The following FBXO36 variants were observed in gnomAD, a reference collection of about 807,000 sequenced individuals.
FBXO36 encodes F-box only protein 36.
In FBXO36, 18 loss-of-function variants were observed where a neutral mutation model predicts 17.0. The ratio of observed to expected loss-of-function variants is 1.06; its 90% CI spans 0.73 to 1.57. FBXO36 has a LOEUF of 1.57. FBXO36 is among the 40% of genes most tolerant of loss of function. FBXO36 has a pLI of 0.00. For synonymous variants in FBXO36, 83 were observed against 85.3 expected, an observed-to-expected ratio of 0.97 and a Z score of 0.15; for missense variants, 229 against 221.9, an observed-to-expected ratio of 1.03 and a Z score of -0.20.
chr2:230,008,403 G>C (rs1022458615), intron 3 of FBXO36, among the ~76,000 whole-genome samples: 7 of 152,152 alleles, frequency 4.6e-5, no homozygotes, highest in Admixed American at 1.3e-4. Context: ...GATCTGAGTA[G>C]CCAAAACTAT....
At chr2:229,938,685 A>G (rs1176303022) in intron 1 of FBXO36, among the ~76,000 whole-genome samples, 4 of 145,542 alleles carry the variant, frequency 2.7e-5, no homozygotes, top group Non-Finnish European at 3.0e-5. Context: ...TTTTGTATAG[A>G]TGGGGTTGTA....
intron 1 of FBXO36, among the ~76,000 whole-genome samples, chr2:229,941,783 G>A (rs565385546): frequency 1.3e-5 from 2 of 152,140 alleles, no homozygotes; most frequent in Non-Finnish European, 2.9e-5. Flanking sequence ...TTGGGAGGCC[G>A]AGGCAGGTGG....
At chr2:229,990,865 T>TAAGGTTTCAAAAGAA (rs2077294314) in intron 2 of FBXO36, among the ~76,000 whole-genome samples, 2 of 152,210 alleles carry the variant, frequency 1.3e-5, no homozygotes, top group Admixed American at 6.5e-5. Context: ...AAACTTTAGT[T>TAAGGTTTCAAAAGAA]AAGGTTTCCT....
chr2:229,953,313 T>C (rs1007173786), intron 1 of FBXO36, among the ~76,000 whole-genome samples: 3 of 151,964 alleles, frequency 2.0e-5, no homozygotes, highest in African/African-American at 7.2e-5. Context: ...CACTCCAGCC[T>C]GGGCGACAGA....
intron 1 of FBXO36, among the ~76,000 whole-genome samples, chr2:229,975,414 C>T (rs141337683): frequency 0.017 from 2,637 of 151,742 alleles, 61 homozygotes; most frequent in Admixed American, 0.05. Flanking sequence ...AGACATCTTC[C>T]GGAAACAGAT....
chr2:229,946,123 GA>G (rs1187558923), intron 1 of FBXO36, among the ~76,000 whole-genome samples: 1 of 152,142 alleles, frequency 6.6e-6, no homozygotes, highest in South Asian at 2.1e-4. Context: ...GTGGTGGAGG[GA>G]AGGAAGCGGA....
intron 2 of FBXO36, among the ~76,000 whole-genome samples, chr2:229,988,209 A>G (rs552451722): frequency 2.6e-5 from 4 of 152,300 alleles, no homozygotes; most frequent in Non-Finnish European, 2.9e-5. Context: ...CAAAATTATA[A>G]CGTATTTTTT....
intron 1 of FBXO36, among the ~76,000 whole-genome samples, chr2:229,949,162 C>G (rs929493550): frequency 1.1e-4 from 16 of 152,084 alleles, no homozygotes; most frequent in African/African-American, 3.4e-4. Flanking sequence ...TACATAAATG[C>G]CTGTCTGTAT....
chr2:229,962,376 G>A (rs994862020), intron 1 of FBXO36, among the ~76,000 whole-genome samples: 1 of 151,520 alleles, frequency 6.6e-6, no homozygotes, highest in African/African-American at 2.4e-5. Context: ...TGTCATTAAG[G>A]CTGGAGTGCA....
At chr2:229,959,560 A>C (rs1246678660) in intron 1 of FBXO36, among the ~76,000 whole-genome samples, 1 of 152,080 alleles carries the variant, frequency 6.6e-6, no homozygotes, top group Admixed American at 6.6e-5. Flanking sequence ...ATATTGCCAA[A>C]GTAGGCTGGG....
At chr2:229,954,847 T>C (rs2077078100) in intron 1 of FBXO36, among the ~76,000 whole-genome samples, 1 of 148,028 alleles carries the variant, frequency 6.8e-6, no homozygotes, top group Admixed American at 6.8e-5. Flanking sequence ...ATGCCTGGCG[T>C]TTTTTGTTTG....
At chr2:229,997,897 T>C (rs982469406) in intron 3 of FBXO36, among the ~76,000 whole-genome samples, 2 of 152,164 alleles carry the variant, frequency 1.3e-5, no homozygotes, top group African/African-American at 4.8e-5. Flanking sequence ...TCCCTAACCC[T>C]TCTGTTGTTC....
intron 1 of FBXO36, among the ~76,000 whole-genome samples, chr2:229,968,798 G>T (rs1312978566): frequency 6.6e-6 from 1 of 151,908 alleles, no homozygotes; most frequent in East Asian, 1.9e-4. Flanking sequence ...TTTTGAAATG[G>T]AGTCTTGTTC....
At chr2:229,975,531 C>T (rs1346131170) in intron 1 of FBXO36, among the ~76,000 whole-genome samples, 1 of 149,866 alleles carries the variant, frequency 6.7e-6, no homozygotes, top group African/African-American at 2.5e-5. Context: ...TACAGTGGTG[C>T]GATCTCAGCT....
chr2:229,938,906 C>T (rs527488510), intron 1 of FBXO36, among the ~76,000 whole-genome samples: 35 of 140,166 alleles, frequency 2.5e-4, no homozygotes, highest in Non-Finnish European at 5.1e-4. Context: ...ATTACAGGCA[C>T]CCGCCATCAT....
At chr2:229,994,244 T>G (rs1224321537) in intron 2 of FBXO36, among the ~76,000 whole-genome samples, 2 of 152,152 alleles carry the variant, frequency 1.3e-5, no homozygotes, top group Non-Finnish European at 2.9e-5. Flanking sequence ...CAGAGGATCT[T>G]CACAATACCT....
At position 229,948,359 on chromosome 2, in the gene FBXO36, G is replaced by C. The variant is rs987029230; in HGVS notation, c.96+25750G>C. Among the ~76,000 whole-genome samples, 102 of 152,098 alleles carry C rather than the reference G, an allele frequency of 6.7e-4. 1 individual carries two copies. The highest frequency in any genetic ancestry group is 2.4e-3 in the African/African-American group (100 of 41,424). Reference sequence around the variant, plus strand: ...GGAACAGTCTGAAAAAACAGTGTTGGTAAAGGCATGGGAAAAGGCCTCCTC... The same window carrying C: ...GGAACAGTCTGAAAAAACAGTGTTGCTAAAGGCATGGGAAAAGGCCTCCTC... On this transcript the variant is annotated intron_variant, in intron 1 of 3. Transcript: ENST00000283946.
chr2:229,931,589 C>T (rs1039130011), intron 1 of FBXO36, among the ~76,000 whole-genome samples: 7 of 152,108 alleles, frequency 4.6e-5, no homozygotes, highest in Admixed American at 1.3e-4. Context: ...ACCTGTAATC[C>T]CAGCATTTTA....
intron 1 of FBXO36, among the ~76,000 whole-genome samples, chr2:229,964,333 AC>A (rs1376593583): frequency 6.6e-6 from 1 of 151,930 alleles, no homozygotes; most frequent in Non-Finnish European, 1.5e-5. Context: ...TTGTCCTCAT[AC>A]CTCTTTGTGG....
Sources: gnomAD v4.1 joint callset for allele counts (sites outside exome capture counted in the v4.1 genomes callset) on GRCh38, gnomAD v4.1.1 for gene constraint, MANE v1.5 for transcripts, NCBI Gene and HGNC (gene_info 2026-07-23, HGNC 2026-07-21) for gene names.